Variants in GPC3 observed in about 807,000 individuals in gnomAD.
GPC3 encodes glypican-3.
GPC3 carries 3 observed loss-of-function variants against 34.4 expected under a neutral mutation model. The observed-to-expected ratio is 0.09, with a 90% CI of 0.04 to 0.23. GPC3 has a LOEUF of 0.23. Among genes scored for constraint, GPC3 ranks in the 10% least tolerant of loss-of-function variants. GPC3 has a pLI of 1.00. For missense variants in GPC3, 351 were observed against 445.6 expected (o/e 0.79, Z 1.91); for synonymous variants, 177 against 174.0 (o/e 1.02, Z -0.13).
chrX:133,970,121 G>A (rs1372771368), intron 1 of GPC3, among the ~76,000 whole-genome samples: 1 of 111,587 alleles, frequency 9.0e-6, no homozygotes, highest in East Asian at 2.8e-4. Flanking sequence ...CCTGTACTCC[G>A]TATATCAGCC....
At chrX:133,747,931 G>A (rs2071626706) in intron 3 of GPC3, among the ~76,000 whole-genome samples, 1 of 112,234 alleles carries the variant, frequency 8.9e-6, no homozygotes, top group African/African-American at 3.2e-5. Flanking sequence ...TGAAATTGTG[G>A]GAGAGGAAGC....
intron 7 of GPC3, among the ~76,000 whole-genome samples, chrX:133,548,136 C>T (rs747981272): frequency 8.9e-6 from 1 of 112,232 alleles, no homozygotes; most frequent in South Asian, 3.7e-4. Flanking sequence ...ATTCACAGAG[C>T]TCTGTTTGCA....
In GPC3 at chrX:133,626,386, A is replaced by G. The variant is rs751467912; in HGVS notation, c.1414-29787T>C. Among the ~76,000 whole-genome samples the G allele has an allele frequency of 4.5e-5, 5 of 111,372 alleles. No individual in the cohort carries two copies. The South Asian group carries it at 1.9e-3, about 42-fold the overall frequency. On this transcript the variant is annotated intron_variant, in intron 6 of 7. Transcript: ENST00000370818. ...CATCAGAGTGAACAGAAACCTACAG[A>G]ATGGGAGAAAATTTTTACAATCTAC... is the stretch of plus-strand genomic sequence containing the variant.
chrX:133,939,674 C>T (rs1041844997), intron 2 of GPC3, among the ~76,000 whole-genome samples: 1 of 112,074 alleles, frequency 8.9e-6, no homozygotes, highest in East Asian at 2.8e-4. Context: ...TCATCCCTGT[C>T]GAATGCAGCA....
intron 2 of GPC3, among the ~76,000 whole-genome samples, chrX:133,801,387 T>G (rs1461379323): frequency 8.9e-6 from 1 of 111,928 alleles, no homozygotes; most frequent in African/African-American, 3.2e-5. Context: ...TCTTGGTAAA[T>G]GGAGGTTCAC....
chrX:133,649,722 T>C (rs1364539290), intron 6 of GPC3, among the ~76,000 whole-genome samples: 2 of 111,609 alleles, frequency 1.8e-5, no homozygotes, highest in African/African-American at 6.5e-5. Flanking sequence ...TAGCTTGGCT[T>C]AATCTTTTGT....
chrX:133,677,210 C>T, intron 5 of GPC3, among the ~76,000 whole-genome samples: 2 of 111,866 alleles, frequency 1.8e-5, no homozygotes, highest in South Asian at 7.7e-4. Context: ...ACCTGCTCCC[C>T]TGTAGCTCCA....
At chrX:133,632,398 C>T (rs763552925) in intron 6 of GPC3, among the ~76,000 whole-genome samples, 1 of 112,037 alleles carries the variant, frequency 8.9e-6, no homozygotes, top group East Asian at 2.8e-4. Flanking sequence ...GCATACCCCA[C>T]CAACACTTGT....
chrX:133,573,056 T>A (rs2069646943), intron 7 of GPC3, among the ~76,000 whole-genome samples: 1 of 111,522 alleles, frequency 9.0e-6, no homozygotes, highest in Non-Finnish European at 1.9e-5. Context: ...AGGTTATGTA[T>A]CATGACCAAG....
At chrX:133,648,062 A>T (rs1317084007) in intron 6 of GPC3, among the ~76,000 whole-genome samples, 1 of 111,251 alleles carries the variant, frequency 9.0e-6, no homozygotes. Flanking sequence ...TTCTGCGGAG[A>T]CCCAAACCAC....
chrX:133,722,114 G>A lies in GPC3; in HGVS notation c.1033-22086C>T, dbSNP rs191305614. On this transcript the variant is annotated intron_variant, in intron 3 of 7. Transcript: ENST00000370818. ...AAAATCATAATATTATTATGCATAC[G>A]GATACAGTCTGATGAGCCCCTTTAT... Among the ~76,000 whole-genome samples the A allele has an allele frequency of 1.2e-3, 137 of 111,042 alleles. 1 individual carries two copies. The highest frequency in any genetic ancestry group is 4.2e-3 in the African/African-American group (128 of 30,613).
At chrX:133,927,878 T>A (rs967158583) in intron 2 of GPC3, among the ~76,000 whole-genome samples, 1 of 106,454 alleles carries the variant, frequency 9.4e-6, no homozygotes, top group Non-Finnish European at 1.9e-5. Flanking sequence ...ATATATATAT[T>A]ATATATATAT....
At chrX:133,825,369 C>A (rs1300997800) in intron 2 of GPC3, among the ~76,000 whole-genome samples, 1 of 111,915 alleles carries the variant, frequency 8.9e-6, no homozygotes, top group Non-Finnish European at 1.9e-5. Flanking sequence ...CCTTAAGGAG[C>A]AGAATGGAAG....
intron 3 of GPC3, among the ~76,000 whole-genome samples, chrX:133,734,929 C>T: frequency 9.0e-6 from 1 of 111,675 alleles, no homozygotes; most frequent in African/African-American, 3.2e-5. Context: ...AAAAGAAGTG[C>T]AAGGCTTTTA....
chrX:133,719,967 A>G (rs1280359213), intron 3 of GPC3, among the ~76,000 whole-genome samples: 2 of 112,371 alleles, frequency 1.8e-5, no homozygotes, highest in Non-Finnish European at 3.8e-5. Context: ...AAAATGCTCA[A>G]CATTATATCA....
rs547284845 is a variant in GPC3 at position 133,601,009 on chromosome X, C to T, written c.1414-4410G>A. Among the ~76,000 whole-genome samples, 18 of 111,356 alleles carry T rather than the reference C, an allele frequency of 1.6e-4. No homozygotes were observed. In the South Asian group the frequency reaches 6.1e-3, roughly 38 times the overall value. ...CGTCTGAGTATTTCATTCCACTATC[C>T]CCATAGACATTCTGTTAACCTGACA... On this transcript the variant is annotated intron_variant, in intron 6 of 7. Transcript: ENST00000370818.
At chrX:133,610,731 T>C (rs2070100857) in intron 6 of GPC3, among the ~76,000 whole-genome samples, 1 of 102,176 alleles carries the variant, frequency 9.8e-6, no homozygotes, top group Non-Finnish European at 2.0e-5. Flanking sequence ...AATGGGGCAC[T>C]TGCCTCTCAG....
chrX:133,714,587 T>G (rs2071297696), intron 3 of GPC3, among the ~76,000 whole-genome samples: 1 of 110,852 alleles, frequency 9.0e-6, no homozygotes, highest in Admixed American at 9.6e-5. Context: ...ATAAGTACAT[T>G]ATAAATTAAA....
chrX:133,762,958 T>G (rs2071809652), intron 2 of GPC3: 1 of 613,029 alleles, frequency 1.6e-6, no homozygotes, highest in Admixed American at 2.2e-5. Context: ...GAAGAGGACC[T>G]GGGAGAATCT....
Sources: allele counts gnomAD v4.1 joint callset (sites outside exome capture counted in the v4.1 genomes callset), GRCh38; gene constraint gnomAD v4.1.1; transcripts MANE v1.5; gene names NCBI Gene and HGNC (gene_info 2026-07-23, HGNC 2026-07-21).